Variants in GRID2 observed in about 807,000 individuals in gnomAD.
The protein encoded by GRID2 is glutamate ionotropic receptor delta type subunit 2.
In GRID2, 33 loss-of-function variants were observed where a neutral mutation model predicts 114.8. That is an observed-to-expected ratio of 0.29 (90% CI 0.22 to 0.38). GRID2 has a LOEUF of 0.38. GRID2 is among the 10% of genes least tolerant of loss of function. The pLI is 1.00. For missense variants in GRID2, 1,184 were observed against 1,257.7 expected, an observed-to-expected ratio of 0.94 and a Z score of 0.89; for synonymous variants, 505 against 449.9, an observed-to-expected ratio of 1.12 and a Z score of -1.55.
At chr4:92,385,025 T>A (rs1369688653) in intron 1 of GRID2, among the ~76,000 whole-genome samples, 1 of 151,674 alleles carries the variant, frequency 6.6e-6, no homozygotes, top group African/African-American at 2.4e-5. Context: ...GATTCACATA[T>A]AATTTGTCTT....
chr4:92,347,751 G>A (rs934033215), intron 1 of GRID2, among the ~76,000 whole-genome samples: 2 of 151,970 alleles, frequency 1.3e-5, no homozygotes, highest in Non-Finnish European at 2.9e-5. Flanking sequence ...ATAAATAAGA[G>A]GCTTAGCTTG....
At chr4:93,073,686 G>A (rs745759740) in intron 2 of GRID2, among the ~76,000 whole-genome samples, 3 of 152,072 alleles carry the variant, frequency 2.0e-5, no homozygotes, top group Non-Finnish European at 4.4e-5. Flanking sequence ...TATCTATGGG[G>A]TACATGCAAA....
chr4:93,472,191 G>T (rs965058129), intron 11 of GRID2, among the ~76,000 whole-genome samples: 1 of 151,648 alleles, frequency 6.6e-6, no homozygotes, highest in Non-Finnish European at 1.5e-5. Context: ...AAGCATGGTG[G>T]CGCATGCCTG....
chr4:92,789,794 C>T (rs1248376825), intron 2 of GRID2, among the ~76,000 whole-genome samples: 1 of 151,188 alleles, frequency 6.6e-6, no homozygotes, highest in Non-Finnish European at 1.5e-5. Flanking sequence ...GGTTATCACA[C>T]ACGTCCACTG....
chr4:92,504,254 A>G (rs1291862792), intron 1 of GRID2, among the ~76,000 whole-genome samples: 1 of 152,120 alleles, frequency 6.6e-6, no homozygotes, highest in African/African-American at 2.4e-5. Flanking sequence ...TGTGATTCTA[A>G]GAGAAATCAC....
intron 1 of GRID2, among the ~76,000 whole-genome samples, chr4:92,447,538 A>G (rs1392547659): frequency 6.6e-6 from 1 of 152,214 alleles, no homozygotes; most frequent in Non-Finnish European, 1.5e-5. Flanking sequence ...TTGCTTTATG[A>G]ATAGCTGGCT....
At chr4:92,759,499 C>A (rs531191687) in intron 2 of GRID2, among the ~76,000 whole-genome samples, 1 of 152,196 alleles carries the variant, frequency 6.6e-6, no homozygotes, top group Middle Eastern at 3.4e-3. Context: ...TTGTAAATAT[C>A]TTGTGCTTGA....
intron 2 of GRID2, among the ~76,000 whole-genome samples, chr4:92,737,690 A>G (rs1174720687): frequency 6.6e-6 from 1 of 152,174 alleles, no homozygotes; most frequent in Non-Finnish European, 1.5e-5. Context: ...ATATATGCCA[A>G]AATTTATAGA....
intron 1 of GRID2, among the ~76,000 whole-genome samples, chr4:92,450,377 A>G (rs1720837404): frequency 6.6e-6 from 1 of 152,064 alleles, no homozygotes. Context: ...AGTAGAAATC[A>G]AATGATAAGA....
At chr4:92,413,697 T>C (rs746087662) in intron 1 of GRID2, among the ~76,000 whole-genome samples, 69 of 151,982 alleles carry the variant, frequency 4.5e-4, no homozygotes, top group Non-Finnish European at 9.3e-4. Flanking sequence ...TTCTGTAAAA[T>C]GAAAGGGAAA....
intron 8 of GRID2, among the ~76,000 whole-genome samples, chr4:93,370,948 C>G (rs549926421): frequency 6.6e-6 from 1 of 152,176 alleles, no homozygotes; most frequent in East Asian, 1.9e-4. Context: ...TTAAATGGCA[C>G]GATTTACCTA....
intron 7 of GRID2, among the ~76,000 whole-genome samples, chr4:93,235,969 T>C (rs1464928745): frequency 6.6e-6 from 1 of 152,084 alleles, no homozygotes; most frequent in East Asian, 1.9e-4. Flanking sequence ...ATGATATCTT[T>C]TTCGTATAAA....
At chr4:92,913,692 A>AT (rs1748560921) in intron 2 of GRID2, among the ~76,000 whole-genome samples, 1 of 151,992 alleles carries the variant, frequency 6.6e-6, no homozygotes, top group Admixed American at 6.6e-5. Context: ...AATATAGTAG[A>AT]TTTTTATTGG....
At position 92,943,881 on chromosome 4, in the gene GRID2, C is replaced by T. The variant is rs371565915; in HGVS notation, c.245-141114C>T. 2.3e-4 allele frequency among the ~76,000 whole-genome samples: 35 copies of T among 152,320 alleles called. 1 individual carries two copies. The East Asian group carries it at 6.2e-3, about 27-fold the overall frequency. On this transcript the variant is annotated intron_variant, in intron 2 of 15. Transcript: ENST00000282020. ...TTTGCCTGAGTATCAGCAGCGGAGG[C>T]TGCAGAGCAGAACAGCGGCTACTGG...
At chr4:92,433,142 C>T (rs540914829) in intron 1 of GRID2, among the ~76,000 whole-genome samples, 45 of 152,190 alleles carry the variant, frequency 3.0e-4, no homozygotes, top group African/African-American at 1.1e-3. Flanking sequence ...ATCCTGTTTA[C>T]TCTCCCCTAT....
intron 8 of GRID2, among the ~76,000 whole-genome samples, chr4:93,302,929 C>G (rs7666036): frequency 0.054 from 8,238 of 152,190 alleles, 753 homozygotes; most frequent in African/African-American, 0.19. Flanking sequence ...GCTGTATAAA[C>G]AACTACCTGA....
chr4:93,207,362 A>C, intron 4 of GRID2, 42 bp from the exon 5 acceptor site: 1 of 1,381,768 alleles, frequency 7.2e-7, no homozygotes, highest in Non-Finnish European at 1.0e-6. Context: ...TTTGTTTTGC[A>C]TGATTAATTT....
intron 2 of GRID2, among the ~76,000 whole-genome samples, chr4:92,922,866 G>A (rs550707222): frequency 3.9e-5 from 6 of 152,264 alleles, no homozygotes; most frequent in Admixed American, 2.0e-4. Flanking sequence ...GCTGTTAGAC[G>A]TTAGAATAGG....
intron 4 of GRID2, among the ~76,000 whole-genome samples, chr4:93,168,538 A>T (rs1487226369): frequency 6.6e-6 from 1 of 152,100 alleles, no homozygotes; most frequent in Non-Finnish European, 1.5e-5. Context: ...ATAAGAAATC[A>T]TGGGATTCCA....
Sources: allele counts gnomAD v4.1 joint callset (sites outside exome capture counted in the v4.1 genomes callset), GRCh38; gene constraint gnomAD v4.1.1; transcripts MANE v1.5; gene names NCBI Gene and HGNC (gene_info 2026-07-23, HGNC 2026-07-21).